Variants in RYR2 observed in about 807,000 individuals in gnomAD.
RYR2 encodes cardiac muscle ryanodine receptor-calcium release channel.
Under a neutral mutation model 601.1 loss-of-function variants are expected in RYR2, and 227 were observed. The observed-to-expected ratio is 0.38, with a 90% CI of 0.34 to 0.42. The LOEUF (loss-of-function observed/expected upper bound fraction) is 0.42. RYR2 is among the 10% of genes least tolerant of loss of function. The pLI is 1.00. For synonymous variants in RYR2, 2,223 were observed against 2,175.1 expected, an observed-to-expected ratio of 1.02 and a Z score of -0.61; for missense variants, 4,646 against 6,156.5, an observed-to-expected ratio of 0.75 and a Z score of 8.21.
At chr1:237,387,097 C>T (rs972610030) in intron 8 of RYR2, among the ~76,000 whole-genome samples, 184 bp from the exon 9 acceptor site, 1 of 152,188 alleles carries the variant, frequency 6.6e-6, no homozygotes, top group East Asian at 1.9e-4. Flanking sequence ...TTTAAAAATC[C>T]GTAAATTCAG....
intron 1 of RYR2, among the ~76,000 whole-genome samples, chr1:237,240,137 A>G (rs1310481490): frequency 6.6e-6 from 1 of 152,146 alleles, no homozygotes; most frequent in Non-Finnish European, 1.5e-5. Flanking sequence ...AATTCCAGGT[A>G]TTTTCAGAAG....
At chr1:237,052,908 G>A (rs2148158047) in intron 1 of RYR2, among the ~76,000 whole-genome samples, 1 of 152,250 alleles carries the variant, frequency 6.6e-6, no homozygotes, top group Non-Finnish European at 1.5e-5. Context: ...GAGTGCAGTG[G>A]TGTGATCTTG....
chr1:237,056,532 G>A, intron 1 of RYR2, among the ~76,000 whole-genome samples: 1 of 143,494 alleles, frequency 7.0e-6, no homozygotes, highest in East Asian at 2.2e-4. Context: ...CTGGAGCACT[G>A]CGTCTGTGAG....
At chr1:237,284,694 A>ACACACACACT (rs1691341086) in intron 2 of RYR2, among the ~76,000 whole-genome samples, 1 of 149,796 alleles carries the variant, frequency 6.7e-6, no homozygotes, top group Admixed American at 6.7e-5. Flanking sequence ...ACACACACAC[A>ACACACACACT]CACCCATAAA....
intron 41 of RYR2, among the ~76,000 whole-genome samples, chr1:237,630,776 A>G (rs1308319796): frequency 6.6e-6 from 1 of 152,196 alleles, no homozygotes; most frequent in Non-Finnish European, 1.5e-5. Flanking sequence ...AGAATATGTA[A>G]TGCAGTAATG....
intron 80 of RYR2, among the ~76,000 whole-genome samples, chr1:237,750,615 C>A (rs1451127020): frequency 6.6e-6 from 1 of 151,160 alleles, no homozygotes; most frequent in Non-Finnish European, 1.5e-5. Context: ...AAATATAATA[C>A]TATTTAAAAT....
At chr1:237,561,322 C>T (rs1333780125) in intron 27 of RYR2, among the ~76,000 whole-genome samples, 1 of 152,084 alleles carries the variant, frequency 6.6e-6, no homozygotes, top group East Asian at 1.9e-4. Flanking sequence ...CAGCATGCTT[C>T]ATAGTAGGGA....
intron 97 of RYR2, among the ~76,000 whole-genome samples, chr1:237,799,129 T>C (rs911022538): frequency 2.0e-5 from 3 of 152,190 alleles, no homozygotes; most frequent in Admixed American, 2.0e-4. Context: ...TTGAACTTAC[T>C]GAAAACAACT....
At chr1:237,760,110 A>G (rs1693296261) in intron 83 of RYR2, among the ~76,000 whole-genome samples, 1 of 151,656 alleles carries the variant, frequency 6.6e-6, no homozygotes, top group Non-Finnish European at 1.5e-5. Context: ...TTTGGGAGGA[A>G]GAGATAGGAG....
intron 1 of RYR2, among the ~76,000 whole-genome samples, chr1:237,043,105 G>A (rs1354933017): frequency 6.6e-5 from 10 of 152,220 alleles, no homozygotes; most frequent in Non-Finnish European, 1.5e-5. Context: ...GTAGCGTGCG[G>A]CGCAGCTGAC....
At chr1:237,116,533 A>C (rs916449926) in intron 1 of RYR2, among the ~76,000 whole-genome samples, 1 of 151,402 alleles carries the variant, frequency 6.6e-6, no homozygotes, top group African/African-American at 2.5e-5. Flanking sequence ...ATATTTATAC[A>C]CATGTACACA....
chr1:237,772,264 A>T (rs1694330844), intron 86 of RYR2, among the ~76,000 whole-genome samples, 164 bp downstream of exon 86: 1 of 152,348 alleles, frequency 6.6e-6, no homozygotes, highest in South Asian at 2.1e-4. Context: ...AGCCACTGTT[A>T]TCTCTGCTTC....
chr1:237,268,368 C>T (rs1689274630), intron 1 of RYR2, among the ~76,000 whole-genome samples: 1 of 152,168 alleles, frequency 6.6e-6, no homozygotes, highest in South Asian at 2.1e-4. Context: ...CACAATATAG[C>T]TTTGATCTTG....
intron 11 of RYR2, among the ~76,000 whole-genome samples, chr1:237,421,423 T>C (rs1316979057): frequency 3.9e-5 from 6 of 152,210 alleles, no homozygotes; most frequent in Admixed American, 3.3e-4. Context: ...TACCGTGTTA[T>C]CTGGTTTTAT....
chr1:237,632,235 C>G (rs367951198), intron 42 of RYR2, among the ~76,000 whole-genome samples: 29 of 145,452 alleles, frequency 2.0e-4, no homozygotes, highest in African/African-American at 7.0e-4. Flanking sequence ...ATTCAGTTCT[C>G]ATCACGTTAC....
chr1:237,199,826 C>T (rs1680981854), intron 1 of RYR2, among the ~76,000 whole-genome samples: 1 of 152,142 alleles, frequency 6.6e-6, no homozygotes, highest in South Asian at 2.1e-4. Flanking sequence ...ATCTCATATG[C>T]ATGGAAAAGC....
At chr1:237,310,906 A>G (rs893777914) in intron 2 of RYR2, among the ~76,000 whole-genome samples, 1 of 152,348 alleles carries the variant, frequency 6.6e-6, no homozygotes, top group Middle Eastern at 3.4e-3. Context: ...TAAGTAACAC[A>G]AGATATTTTG....
chr1:237,806,017 C>A, intron 98 of RYR2, 120 bp from the exon 99 acceptor site: 1 of 797,610 alleles, frequency 1.3e-6, no homozygotes, highest in Non-Finnish European at 2.0e-6. Flanking sequence ...TAAGATTCCA[C>A]ATGTGAGTGA....
In RYR2 at chr1:237,662,052, A is replaced by T. The variant is rs112364106; in HGVS notation, c.8436+1105A>T. ...TTGTTTATTATTGCTATTTACACAA[A>T]TATCATTTTTGAAAAAAAAATGAGG... On this transcript the variant is annotated intron_variant, in intron 56 of 104. Transcript: ENST00000366574. 6.6e-3 allele frequency among the ~76,000 whole-genome samples: 1,007 copies of T among 152,154 alleles called. 6 individuals are homozygous for T. The highest frequency in any genetic ancestry group is 0.021 in the East Asian group (108 of 5,170).
Sources: allele counts gnomAD v4.1 joint callset (sites outside exome capture counted in the v4.1 genomes callset), GRCh38; gene constraint gnomAD v4.1.1; transcripts MANE v1.5; gene names NCBI Gene and HGNC (gene_info 2026-07-23, HGNC 2026-07-21).